IPO11: variants seen among roughly 807,000 people sequenced by gnomAD.
The protein encoded by IPO11 is importin-11.
In IPO11, 66 loss-of-function variants were observed where a neutral mutation model predicts 143.2. The ratio of observed to expected loss-of-function variants is 0.46; its 90% CI spans 0.38 to 0.57. The LOEUF is 0.57. Ranked by LOEUF, IPO11 falls within the 20% of genes least tolerant of loss-of-function variation. The pLI is 0.00. For synonymous variants in IPO11, 385 were observed against 377.8 expected (o/e 1.02, Z -0.22); for missense variants, 1,026 against 1,141.0 (o/e 0.90, Z 1.45).
intron 1 of IPO11, among the ~76,000 whole-genome samples, chr5:62,417,957 TA>T (rs1330937598): frequency 2.6e-5 from 4 of 152,292 alleles, no homozygotes; most frequent in African/African-American, 9.6e-5. Context: ...TCCAACTATC[TA>T]ATTATTTTAT....
chr5:62,451,771 A>G lies in IPO11; in HGVS notation c.354A>G (p.Arg118=), dbSNP rs1217446230. ...CAGTGCTCATTGCAAAAGTTGCTAG[A>G]TTGGATTGTCCCAGACAGTGGCCTG... is the stretch of plus-strand genomic sequence containing the variant. ...QIAVLIAKVA[R]LDCPRQWPEL... The change falls in exon 5 of 30, where the codon AGA becomes AGG. Residue 118 remains arginine (R), a synonymous_variant. Transcript: ENST00000325324. The G allele has an allele frequency of 5.6e-6, 9 of 1,614,026 alleles. No individual in the cohort carries two copies. Among genetic ancestry groups the G allele is most frequent in the Non-Finnish European group, 7.6e-6 (9 of 1,180,038 alleles).
At chr5:62,579,498 T>C in intron 27 of IPO11, 5 of 1,551,006 alleles carry the variant, frequency 3.2e-6, no homozygotes, top group Non-Finnish European at 4.4e-6. Context: ...TTACCTGTTA[T>C]CTTTTATTAT....
intron 27 of IPO11, chr5:62,580,015 T>C: frequency 6.4e-7 from 1 of 1,551,294 alleles, no homozygotes. Flanking sequence ...CAATAACATT[T>C]TGAGGATATC....
chr5:62,598,719 A>T (rs1745387040), intron 28 of IPO11, among the ~76,000 whole-genome samples: 1 of 149,898 alleles, frequency 6.7e-6, no homozygotes, highest in Admixed American at 6.7e-5. Context: ...TAATTATTGT[A>T]TTTTTAGTAG....
chr5:62,594,801 A>G (rs1414549242), intron 28 of IPO11, among the ~76,000 whole-genome samples: 1 of 152,222 alleles, frequency 6.6e-6, no homozygotes, highest in Non-Finnish European at 1.5e-5. Context: ...AAGGGGAGAC[A>G]GGGACCAATG....
chr5:62,562,382 T>G (rs568061520), intron 27 of IPO11, among the ~76,000 whole-genome samples: 1 of 152,216 alleles, frequency 6.6e-6, no homozygotes, highest in Non-Finnish European at 1.5e-5. Flanking sequence ...TGGAAGAAAA[T>G]TTTTCCATGA....
chr5:62,591,700 T>C (rs1745024038), intron 28 of IPO11, 28 bp downstream of exon 28: 3 of 1,454,794 alleles, frequency 2.1e-6, no homozygotes, highest in African/African-American at 1.4e-5. Flanking sequence ...TTAATCATAA[T>C]TGGACTTGGG....
Position 62,449,991 on chromosome 5 carries a change from A to G in IPO11, c.304A>G (p.Ile102Val). The change falls in exon 4 of 30, where the codon ATA becomes GTA. Residue 102 changes from isoleucine to valine, a missense_variant. Ile to Val is a conservative substitution (Grantham distance 29). This residue lies in a region of IPO11 where 429 missense variants were observed against 456.3 expected (regional missense o/e 0.94). Transcript: ENST00000325324. ...GCTCATCACCAACTTCAATGAACCA[A>G]TAAACCAGGTTAGTGAGAAATGAAT... ...AGLITNFNEP[I>V]NQIATQIAVL... 6.3e-7 allele frequency: 1 copy of G among 1,596,656 alleles called. No homozygotes were observed. Among genetic ancestry groups the G allele is most frequent in the South Asian group, 1.2e-5 (1 of 86,496 alleles).
intron 29 of IPO11, among the ~76,000 whole-genome samples, chr5:62,622,511 G>A (rs1474138935): frequency 6.6e-6 from 1 of 152,186 alleles, no homozygotes; most frequent in Non-Finnish European, 1.5e-5. Flanking sequence ...ATTGTATTTT[G>A]ATTCCCATTT....
At chr5:62,498,522 A>G (rs1019353230) in intron 16 of IPO11, among the ~76,000 whole-genome samples, 4 of 152,336 alleles carry the variant, frequency 2.6e-5, no homozygotes, top group Admixed American at 2.6e-4. Context: ...TTTGTTTATA[A>G]ACTGGGCTTC....
chr5:62,437,302 CTGT>C lies in IPO11; in HGVS notation c.28_30del (p.Val10del). ...TCCATGGATCTCAATAGTGCCAGCA[CTGT>C]TGTTCTTCAGGTGTTAACACAGGCC... On this transcript the variant is annotated inframe_deletion, in exon 2 of 30. Coordinates refer to ENST00000325324, the MANE Select transcript of IPO11 (RefSeq NM_016338.5). 2.5e-6 allele frequency: 4 copies of C among 1,610,272 alleles called. No homozygotes were observed. The highest frequency in any genetic ancestry group is 3.4e-6 in the Non-Finnish European group (4 of 1,178,060).
chr5:62,450,868 G>A (rs1744896923), intron 4 of IPO11, among the ~76,000 whole-genome samples: 2 of 151,948 alleles, frequency 1.3e-5, no homozygotes, highest in Non-Finnish European at 2.9e-5. Context: ...GATAATACTT[G>A]GTTATGCTTG....
At chr5:62,589,721 CTG>C (rs1402666359) in intron 27 of IPO11, among the ~76,000 whole-genome samples, 6 of 152,118 alleles carry the variant, frequency 3.9e-5, no homozygotes, top group African/African-American at 1.4e-4. Context: ...GAGGAGAAGT[CTG>C]TGCCAGAGAA....
At chr5:62,525,520 A>T (rs1039777804) in intron 20 of IPO11, among the ~76,000 whole-genome samples, 4 of 151,922 alleles carry the variant, frequency 2.6e-5, no homozygotes, top group Non-Finnish European at 5.9e-5. Context: ...AGTAGCTGGG[A>T]CTCTAAGCAG....
intron 16 of IPO11, among the ~76,000 whole-genome samples, chr5:62,496,063 G>T (rs929079611): frequency 6.6e-5 from 10 of 152,162 alleles, no homozygotes; most frequent in African/African-American, 2.4e-4. Flanking sequence ...GCCAAGGTGG[G>T]CTGATCACGA....
At chr5:62,576,847 T>C (rs1337552390) in intron 27 of IPO11, among the ~76,000 whole-genome samples, 1 of 152,244 alleles carries the variant, frequency 6.6e-6, no homozygotes, top group Non-Finnish European at 1.5e-5. Flanking sequence ...AATTGCTCTG[T>C]TATTTATACA....
chr5:62,474,554 T>C (rs1243818153), intron 8 of IPO11, 90 bp downstream of exon 8: 4 of 885,930 alleles, frequency 4.5e-6, no homozygotes, highest in Non-Finnish European at 5.3e-6. Context: ...TAATGAGGGA[T>C]TAATAGATGC....
At chr5:62,451,112 A>G (rs1189201347) in intron 4 of IPO11, among the ~76,000 whole-genome samples, 2 of 152,178 alleles carry the variant, frequency 1.3e-5, no homozygotes, top group Admixed American at 1.3e-4. Context: ...GGAAACACTG[A>G]TATGTAGAAA....
At chr5:62,618,948 AG>A (rs1746244671) in intron 29 of IPO11, among the ~76,000 whole-genome samples, 1 of 152,124 alleles carries the variant, frequency 6.6e-6, no homozygotes, top group African/African-American at 2.4e-5. Flanking sequence ...TACTAATGAC[AG>A]GCCGGGCTGG....
Sources: gnomAD v4.1 joint callset for allele counts (sites outside exome capture counted in the v4.1 genomes callset) on GRCh38, gnomAD v4.1.1 for gene constraint, gnomAD v4.1.1 regional missense constraint, MANE v1.5 for transcripts, NCBI Gene and HGNC (gene_info 2026-07-23, HGNC 2026-07-21) for gene names.